The following GPM6A variants were observed in gnomAD, a reference collection of about 807,000 sequenced individuals.
GPM6A encodes neuronal membrane glycoprotein M6-a.
Under a neutral mutation model 32.1 loss-of-function variants are expected in GPM6A, and 7 were observed. That is an observed-to-expected ratio of 0.22 (90% CI 0.12 to 0.41). The LOEUF (loss-of-function observed/expected upper bound fraction) is 0.41, where lower values mean the gene tolerates loss of function less well. Ranked by LOEUF, GPM6A falls within the 10% of genes least tolerant of loss-of-function variation. The pLI is 1.00. For missense variants in GPM6A, 235 were observed against 347.2 expected (o/e 0.68, Z 2.57); for synonymous variants, 130 against 123.4 (o/e 1.05, Z -0.35).
At chr4:175,734,232 A>T (rs1457854975) in intron 1 of GPM6A, among the ~76,000 whole-genome samples, 1 of 151,576 alleles carries the variant, frequency 6.6e-6, no homozygotes, top group South Asian at 2.1e-4. Context: ...TACTTTTATT[A>T]AAGGTTCAGA....
At chr4:175,964,975 T>C (rs1045303064) in intron 1 of GPM6A, among the ~76,000 whole-genome samples, 2 of 152,180 alleles carry the variant, frequency 1.3e-5, no homozygotes, top group Non-Finnish European at 2.9e-5. Flanking sequence ...GAATCCACTA[T>C]TACAGTTGCA....
rs375378128 is a variant in GPM6A at position 175,694,980 on chromosome 4, C to T, written c.230+6595G>A. The stretch of plus-strand genomic sequence containing the variant: ...TCCCACTCCAGCCATGGCTAAAAGA[C>T]CCCCAAGTATACAACTCGGGCCACT... On this transcript the variant is annotated intron_variant, in intron 2 of 6. Transcript: ENST00000393658. Among the ~76,000 whole-genome samples, 391 of 152,256 alleles carry T rather than the reference C, an allele frequency of 2.6e-3. 5 individuals carry two copies. The highest frequency in any genetic ancestry group is 9.0e-3 in the African/African-American group (376 of 41,558).
upstream of GPM6A, among the ~76,000 whole-genome samples, chr4:175,816,765 C>A (rs896968859): frequency 1.3e-5 from 2 of 152,202 alleles, no homozygotes; most frequent in Admixed American, 6.5e-5. Flanking sequence ...TAGTTGGGAT[C>A]TTCTTATATT....
chr4:175,953,624 G>A (rs535702538), intron 1 of GPM6A, among the ~76,000 whole-genome samples: 46 of 152,226 alleles, frequency 3.0e-4, no homozygotes, highest in African/African-American at 6.3e-4. Context: ...CATGGAGGTC[G>A]GGCGCAGTGG....
intron 1 of GPM6A, among the ~76,000 whole-genome samples, chr4:175,708,358 G>GTTTAT (rs1745326366): frequency 8.5e-6 from 1 of 117,880 alleles, no homozygotes; most frequent in African/African-American, 3.1e-5. Flanking sequence ...CTGGGAGAAG[G>GTTTAT]TTTATTTTAT....
chr4:175,706,514 C>G (rs905099992), intron 1 of GPM6A, among the ~76,000 whole-genome samples: 1 of 152,168 alleles, frequency 6.6e-6, no homozygotes, highest in Non-Finnish European at 1.5e-5. Flanking sequence ...AATAGACTGA[C>G]AATTGACTCA....
At chr4:175,827,909 T>A (rs1220311061) in intron 1 of GPM6A, among the ~76,000 whole-genome samples, 1 of 152,184 alleles carries the variant, frequency 6.6e-6, no homozygotes, top group Admixed American at 6.5e-5. Flanking sequence ...AAATGTGGTG[T>A]CAGTTCAAAT....
At chr4:175,979,296 A>G (rs1431135535) in intron 1 of GPM6A, among the ~76,000 whole-genome samples, 1 of 142,826 alleles carries the variant, frequency 7.0e-6, no homozygotes, top group East Asian at 2.0e-4. Context: ...CTGAAAGGTT[A>G]TTTAAACACA....
chr4:175,672,469 G>A (rs1020914617), intron 3 of GPM6A, among the ~76,000 whole-genome samples: 9 of 152,190 alleles, frequency 5.9e-5, no homozygotes. Context: ...GAAGGGAAAT[G>A]AATCTTAAAA....
intron 1 of GPM6A, among the ~76,000 whole-genome samples, chr4:175,935,835 T>G (rs944876969): frequency 6.6e-6 from 1 of 151,916 alleles, no homozygotes; most frequent in African/African-American, 2.4e-5. Flanking sequence ...TGTTCTAGAC[T>G]GCCAAAGAAT....
intron 1 of GPM6A, chr4:175,795,862 C>T (rs1734203548): frequency 6.6e-6 from 1 of 152,312 alleles, no homozygotes; most frequent in South Asian, 2.1e-4. Context: ...AAGCCAGGCA[C>T]CATGGCATGA....
chr4:175,830,515 A>G (rs917406017), intron 1 of GPM6A, among the ~76,000 whole-genome samples: 1 of 152,206 alleles, frequency 6.6e-6, no homozygotes, highest in African/African-American at 2.4e-5. Context: ...CCATACCTCT[A>G]TTAGGTGGTC....
intron 1 of GPM6A, among the ~76,000 whole-genome samples, chr4:175,737,378 AT>A (rs1731706413): frequency 6.6e-6 from 1 of 152,134 alleles, no homozygotes; most frequent in East Asian, 1.9e-4. Flanking sequence ...GTAATCCTGC[AT>A]GCCTGTAATC....
intron 1 of GPM6A, among the ~76,000 whole-genome samples, chr4:175,707,393 A>G (rs933915541): frequency 6.6e-5 from 10 of 152,208 alleles, no homozygotes; most frequent in African/African-American, 7.2e-5. Flanking sequence ...TGTCATGGCT[A>G]TTCATTGCCC....
chr4:175,838,525 T>C (rs1735841955), intron 1 of GPM6A, among the ~76,000 whole-genome samples: 1 of 151,576 alleles, frequency 6.6e-6, no homozygotes, highest in South Asian at 2.1e-4. Flanking sequence ...CAGTACTGAA[T>C]ATAAACAAAT....
chr4:175,822,435 T>A (rs1735304285), intron 1 of GPM6A, among the ~76,000 whole-genome samples: 1 of 152,154 alleles, frequency 6.6e-6, no homozygotes, highest in Non-Finnish European at 1.5e-5. Context: ...TGTATAGCAG[T>A]TAATGATTAC....
chr4:175,711,409 AATATATATATATATATAT>A lies in GPM6A; in HGVS notation c.38-9660_38-9643del, dbSNP rs36105210. Among the ~76,000 whole-genome samples the A allele has an allele frequency of 3.0e-3, 160 of 53,290 alleles. 3 individuals are homozygous for A. The highest frequency in any genetic ancestry group is 0.012 in the African/African-American group (147 of 11,972). 35.0% of individuals were successfully genotyped at this position (53,290 alleles called of 152,430 possible). Reference sequence around the variant, plus strand: ...TTAAAAAGGGCACACTGGCACACCAAATATATATATATATATATATATATATATATATATATATATATA... The same window carrying A: ...TTAAAAAGGGCACACTGGCACACCAAATATATATATATATATATATATATA... On this transcript the variant is annotated intron_variant, in intron 1 of 6. Coordinates refer to ENST00000393658, the MANE Select transcript of GPM6A (RefSeq NM_201591.3).
chr4:175,773,164 A>G (rs1180711194), intron 1 of GPM6A, among the ~76,000 whole-genome samples: 1 of 152,238 alleles, frequency 6.6e-6, no homozygotes, highest in East Asian at 1.9e-4. Flanking sequence ...TGCAGTGCAT[A>G]TTAAAAAACA....
intron 1 of GPM6A, among the ~76,000 whole-genome samples, chr4:175,732,596 T>C (rs1731480321): frequency 6.6e-6 from 1 of 152,202 alleles, no homozygotes; most frequent in Non-Finnish European, 1.5e-5. Context: ...AAAGATTTCA[T>C]CTTATGTCTT....
Sources: gnomAD v4.1 joint callset for allele counts (sites outside exome capture counted in the v4.1 genomes callset) on GRCh38, gnomAD v4.1.1 for gene constraint, MANE v1.5 for transcripts, NCBI Gene and HGNC (gene_info 2026-07-23, HGNC 2026-07-21) for gene names.